Variants in MED17 observed in about 807,000 individuals in gnomAD.
MED17 encodes mediator of RNA polymerase II transcription subunit 17.
A neutral mutation model predicts 80.8 loss-of-function variants in MED17; 49 were observed. That is an observed-to-expected ratio of 0.61 (90% CI 0.48 to 0.77). The LOEUF is 0.77. Among genes scored for constraint, MED17 ranks in the 30% least tolerant of loss-of-function variants. MED17 has a pLI of 0.00. For synonymous variants in MED17, 281 were observed against 280.4 expected (o/e 1.00, Z -0.02); for missense variants, 718 against 787.0 (o/e 0.91, Z 1.05).
Position 93,802,094 on chromosome 11 carries a change from T to C in MED17, c.1466+122T>C, listed in dbSNP as rs925891315. 4 of 932,574 alleles carry C rather than the reference T, an allele frequency of 4.3e-6. No homozygotes were observed. In the African/African-American group the frequency reaches 6.7e-5, roughly 16 times the overall value. 57.8% of individuals were successfully genotyped at this position (932,574 alleles called of 1,614,324 possible). ...GGTGGCATAATATTTCTGTAAATTA[T>C]ATAAGCTGTAGAGTGTTTTTTTTTT... On this transcript the variant is annotated intron_variant, in intron 9 of 11. Transcript: ENST00000251871.
chr11:93,802,332 T>C (rs957705297), intron 9 of MED17, among the ~76,000 whole-genome samples: 1 of 152,198 alleles, frequency 6.6e-6, no homozygotes. Context: ...ACTCCTGGAC[T>C]CCAGCAATCC....
chr11:93,784,876 C>A (rs763971308), intron 1 of MED17, 113 bp downstream of exon 1: 1 of 1,408,304 alleles, frequency 7.1e-7, no homozygotes, highest in Non-Finnish European at 9.5e-7. Context: ...TTTTGAGTGT[C>A]CCTCTAGCGG....
rs1488840353 is a variant in MED17, at chr11:93,793,967, A to C, written c.791A>C (p.Gln264Pro). 1 of 1,614,084 alleles carries C rather than the reference A, an allele frequency of 6.2e-7. No individual in the cohort carries two copies. The highest frequency in any genetic ancestry group is 1.1e-5 in the South Asian group (1 of 91,084). The part of the protein sequence containing the change: ...SAYIKVSIQK[Q>P]APDIGDLGTV... ...GTCATATAGGTTTCAATACAAAAAC[A>C]GGCTCCAGATATAGGTGACCTCGGC... Residue 264 changes from glutamine to proline, a missense_variant, in exon 5 of 12, where the codon CAG becomes CCG. Transcript: ENST00000251871.
chr11:93,785,512 C>T (rs1943760251), intron 1 of MED17, among the ~76,000 whole-genome samples: 1 of 152,082 alleles, frequency 6.6e-6, no homozygotes, highest in Non-Finnish European at 1.5e-5. Context: ...TTAAAGATGT[C>T]ATTTCAGGGC....
At chr11:93,804,763 C>T (rs1944006461) in intron 9 of MED17, among the ~76,000 whole-genome samples, 1 of 152,170 alleles carries the variant, frequency 6.6e-6, no homozygotes, top group Admixed American at 6.5e-5. Flanking sequence ...TAACCATCAT[C>T]GTCTAATTAT....
At chr11:93,793,542 C>T (rs1249624874) in intron 3 of MED17, 186 bp from the exon 4 acceptor site, 3 of 560,540 alleles carry the variant, frequency 5.4e-6, no homozygotes, top group Admixed American at 3.4e-5. Context: ...AAATAACCAC[C>T]CCCCACCTTT....
chr11:93,793,412 T>C lies in MED17; in HGVS notation c.638-316T>C, dbSNP rs670391. 0.84 allele frequency: 237,399 copies of C among 282,768 alleles called. 101,053 individuals carry two copies. Among genetic ancestry groups the C allele is most frequent in the Non-Finnish European group, 0.89 (131,413 of 148,328 alleles). The allele number at this position is 282,768 out of a possible 1,614,324, so 17.5% of individuals were successfully genotyped here. On this transcript the variant is annotated intron_variant, in intron 3 of 11. Coordinates refer to ENST00000251871, the MANE Select transcript of MED17 (RefSeq NM_004268.5). Reference sequence around the variant, plus strand: ...GATTACAGGCATGAGCCACCATGCCTGCCCTGTGAGTACACCCATTTTTAT... The same window carrying C: ...GATTACAGGCATGAGCCACCATGCCCGCCCTGTGAGTACACCCATTTTTAT...
chr11:93,794,074 T>C (rs1382610744), intron 5 of MED17, 39 bp downstream of exon 5: 6 of 1,493,240 alleles, frequency 4.0e-6, no homozygotes, highest in Non-Finnish European at 5.6e-6. Flanking sequence ...TGGTCTTATT[T>C]GAGCTGACAT....
intron 11 of MED17, 97 bp downstream of exon 11, chr11:93,809,973 G>A: frequency 8.1e-7 from 1 of 1,231,382 alleles, no homozygotes; most frequent in Middle Eastern, 1.9e-4. Flanking sequence ...ATTTATCTCT[G>A]CAATAAATTA....
At chr11:93,792,479 C>T (rs1943847546) in intron 3 of MED17, among the ~76,000 whole-genome samples, 1 of 152,176 alleles carries the variant, frequency 6.6e-6, no homozygotes, top group Non-Finnish European at 1.5e-5. Context: ...GGGGTAGTCA[C>T]TCATGATTAT....
At chr11:93,797,959 C>G (rs1943922021) in intron 8 of MED17, among the ~76,000 whole-genome samples, 1 of 152,144 alleles carries the variant, frequency 6.6e-6, no homozygotes, top group Non-Finnish European at 1.5e-5. Context: ...AGACAACTGA[C>G]TAGGAATGTG....
At chr11:93,806,259 C>G (rs1944024474) in intron 9 of MED17, 1 of 152,168 alleles carries the variant, frequency 6.6e-6, no homozygotes, top group Non-Finnish European at 1.5e-5. Flanking sequence ...GCGTGAGCCA[C>G]TGTGCCCAGC....
intron 1 of MED17, among the ~76,000 whole-genome samples, chr11:93,786,251 G>A (rs1445294452): frequency 2.0e-5 from 3 of 152,136 alleles, no homozygotes; most frequent in Admixed American, 2.0e-4. Context: ...TCATAGAGGA[G>A]AGACTTCAGA....
At chr11:93,810,205 A>G (rs1175634533) in intron 11 of MED17, 1 of 325,380 alleles carries the variant, frequency 3.1e-6, no homozygotes, top group Non-Finnish European at 5.9e-6. Context: ...CATGGGAAGA[A>G]AAATATCTGA....
At chr11:93,811,832 T>C (rs1413196710) in intron 11 of MED17, 21 bp from the exon 12 acceptor site, 1 of 1,599,738 alleles carries the variant, frequency 6.3e-7, no homozygotes, top group Non-Finnish European at 8.6e-7. Context: ...AGTGTATTGA[T>C]ATTTTGGTTT....
chr11:93,784,298 A>C lies in MED17; in HGVS notation c.-216A>C, dbSNP rs16919375. ...CGCCTGCCCAGTTTTGCTCCGAAAG[A>C]CTTACCGAGGAGGGAGCTTGCGGTG... On this transcript the variant is annotated 5_prime_UTR_variant, in exon 1 of 12. Transcript: ENST00000251871. The C allele has an allele frequency of 5.9e-3, 3,713 of 630,810 alleles. 114 individuals carry two copies. The African/African-American group carries it at 0.062, about 11-fold the overall frequency. 39.1% of individuals were successfully genotyped at this position (630,810 alleles called of 1,614,324 possible).
At chr11:93,786,386 G>A (rs1390573216) in intron 1 of MED17, among the ~76,000 whole-genome samples, 1 of 152,156 alleles carries the variant, frequency 6.6e-6, no homozygotes, top group East Asian at 1.9e-4. Context: ...TTCAGGGTTA[G>A]GAATGTGAAC....
rs539639273 is a variant in MED17, at chr11:93,787,127, A to G, written c.251-874A>G. Among the ~76,000 whole-genome samples, 79 of 152,132 alleles carry G rather than the reference A, an allele frequency of 5.2e-4. No homozygotes were observed. In the South Asian group the frequency reaches 0.016, roughly 30 times the overall value. ...GAAAAACCTTTGAAAGGGTACACTC[A>G]CTGGGGCCGGGCGCAGTGGCTCACG... On this transcript the variant is annotated intron_variant, in intron 1 of 11. Coordinates refer to ENST00000251871, the MANE Select transcript of MED17 (RefSeq NM_004268.5).
chr11:93,798,274 C>G (rs1943926163), intron 8 of MED17, among the ~76,000 whole-genome samples: 1 of 151,996 alleles, frequency 6.6e-6, no homozygotes, highest in Non-Finnish European at 1.5e-5. Context: ...CTTTTTTTTC[C>G]TTTATATACA....
Sources: gnomAD v4.1 joint callset for allele counts (sites outside exome capture counted in the v4.1 genomes callset) on GRCh38, gnomAD v4.1.1 for gene constraint, MANE v1.5 for transcripts, NCBI Gene and HGNC (gene_info 2026-07-23, HGNC 2026-07-21) for gene names.